Variants in ZNF536 observed in about 807,000 individuals in gnomAD.
The protein encoded by ZNF536 is zinc finger protein 536.
Under a neutral mutation model 84.5 loss-of-function variants are expected in ZNF536, and 13 were observed. That is an observed-to-expected ratio of 0.15 (90% CI 0.10 to 0.24). The LOEUF (loss-of-function observed/expected upper bound fraction) is 0.24. Among genes scored for constraint, ZNF536 ranks in the 10% least tolerant of loss-of-function variants. The probability of loss-of-function intolerance (pLI) is 1.00; values close to 1 mark genes in which losing one functional copy is unlikely to be tolerated. For synonymous variants in ZNF536, 811 were observed against 742.5 expected (o/e 1.09, Z -1.50); for missense variants, 1,536 against 1,747.5 (o/e 0.88, Z 2.16).
At chr19:30,372,620 C>T (rs897358326) in intron 1 of ZNF536, 64 bp downstream of exon 1, 13 of 151,998 alleles carry the variant, frequency 8.6e-5, no homozygotes, top group Admixed American at 7.2e-4. Context: ...GTGCAGTCTC[C>T]CCAGCATAGA....
chr19:30,473,967 G>C (rs1454999296), intron 2 of ZNF536, among the ~76,000 whole-genome samples: 1 of 152,218 alleles, frequency 6.6e-6, no homozygotes, highest in Non-Finnish European at 1.5e-5. Flanking sequence ...GAAAACACTA[G>C]TTTCTAGTTT....
Position 30,350,464 on chromosome 19 carries a change from A to C in ZNF536, c.-119-1904A>C, listed in dbSNP as rs887899094. Among the ~76,000 whole-genome samples the C allele has an allele frequency of 2.6e-5, 4 of 152,228 alleles. No homozygotes were observed. The East Asian group carries it at 7.7e-4, about 29-fold the overall frequency. Reference sequence around the variant, plus strand: ...GCATAATGCAGAATTTCTACCTTACATGTTAATTAATGTGTGCAATCAATT... The same window carrying C: ...GCATAATGCAGAATTTCTACCTTACCTGTTAATTAATGTGTGCAATCAATT... On this transcript the variant is annotated intron_variant, in intron 2 of 5. Coordinates refer to the ZNF536 transcript ENST00000585628.
chr19:30,549,767 G>A (rs542771820), intron 4 of ZNF536, among the ~76,000 whole-genome samples: 1 of 152,310 alleles, frequency 6.6e-6, no homozygotes, highest in South Asian at 2.1e-4. Flanking sequence ...ATGGAAAAGG[G>A]GGTGGTCGCT....
intron 2 of ZNF536, among the ~76,000 whole-genome samples, chr19:30,452,038 G>C (rs1420452788): frequency 6.6e-6 from 1 of 152,244 alleles, no homozygotes; most frequent in African/African-American, 2.4e-5. Flanking sequence ...CACCTTGGGT[G>C]TGTTGGGGTG....
In ZNF536 at chr19:30,357,690, C is replaced by T. The variant is rs1390933850; in HGVS notation, c.-3+5206C>T. On this transcript the variant is annotated intron_variant, in intron 3 of 5. Coordinates refer to the ZNF536 transcript ENST00000585628. Reference sequence around the variant, plus strand: ...ATCCTGCTCTTGAAGCAGCAGGGCCCGGTAGCTCCTCAGGCCCTGGCATGA... The same window carrying T: ...ATCCTGCTCTTGAAGCAGCAGGGCCTGGTAGCTCCTCAGGCCCTGGCATGA... Among the ~76,000 whole-genome samples, 6 of 151,976 alleles carry T rather than the reference C, an allele frequency of 3.9e-5. No homozygotes were observed. The East Asian group carries it at 5.8e-4, about 15-fold the overall frequency.
At chr19:30,326,656 G>C (rs2047034690) in intron 2 of ZNF536, among the ~76,000 whole-genome samples, 1 of 151,972 alleles carries the variant, frequency 6.6e-6, no homozygotes, top group Admixed American at 6.6e-5. Flanking sequence ...CAGTGTGTGA[G>C]ACGGCTTTCG....
intron 2 of ZNF536, among the ~76,000 whole-genome samples, chr19:30,502,364 T>C (rs1241680858): frequency 6.6e-6 from 1 of 152,074 alleles, no homozygotes; most frequent in Non-Finnish European, 1.5e-5. Context: ...TTTAGCTAGC[T>C]AGCACCAGGG....
intron 1 of ZNF536, among the ~76,000 whole-genome samples, chr19:30,679,609 G>A (rs2050888371): frequency 6.6e-6 from 1 of 152,170 alleles, no homozygotes; most frequent in African/African-American, 2.4e-5. Flanking sequence ...CCTTGGTGTG[G>A]GGCAGCAGGG....
chr19:30,606,927 G>T (rs929072145), intron 1 of ZNF536, among the ~76,000 whole-genome samples: 1 of 152,084 alleles, frequency 6.6e-6, no homozygotes, highest in African/African-American at 2.4e-5. Context: ...ATTGGTGGAG[G>T]CCCCAGCAGG....
chr19:30,423,834 G>A (rs1395822283), intron 1 of ZNF536, among the ~76,000 whole-genome samples: 13 of 150,932 alleles, frequency 8.6e-5, no homozygotes, highest in East Asian at 3.9e-4. Context: ...TGCGAAGGAC[G>A]TCAGGGAGGT....
chr19:30,553,485 G>A (rs1296496790), intron 4 of ZNF536, among the ~76,000 whole-genome samples: 4 of 152,246 alleles, frequency 2.6e-5, no homozygotes, highest in Admixed American at 2.0e-4. Flanking sequence ...GAGTTGTTGT[G>A]TGCCAGGTCT....
At chr19:30,524,113 C>T (rs1226439679) in intron 2 of ZNF536, among the ~76,000 whole-genome samples, 2 of 152,188 alleles carry the variant, frequency 1.3e-5, no homozygotes, top group African/African-American at 4.8e-5. Flanking sequence ...CGAATGCCTC[C>T]ATGCCGCCCT....
chr19:30,235,981 G>T (rs995739843), intron 1 of ZNF536, among the ~76,000 whole-genome samples: 2 of 152,258 alleles, frequency 1.3e-5, no homozygotes, highest in Non-Finnish European at 2.9e-5. Flanking sequence ...GGATTCCACA[G>T]CATCAGAGAA....
chr19:30,604,151 A>C (rs183633244), intron 1 of ZNF536, among the ~76,000 whole-genome samples: 55 of 152,354 alleles, frequency 3.6e-4, no homozygotes, highest in African/African-American at 1.2e-3. Flanking sequence ...TGTGGTATGC[A>C]ATAGTAGAAG....
intron 1 of ZNF536, among the ~76,000 whole-genome samples, chr19:30,605,838 C>T (rs2146976276): frequency 6.6e-6 from 1 of 152,286 alleles, no homozygotes; most frequent in East Asian, 1.9e-4. Context: ...ACTTCCATCA[C>T]ACAGATTCCC....
At chr19:30,559,891 G>T (rs114894259), downstream of ZNF536, among the ~76,000 whole-genome samples, 129 of 152,264 alleles carry the variant, frequency 8.5e-4, no homozygotes, top group African/African-American at 2.8e-3. Flanking sequence ...AAAGCAGGGG[G>T]TATTTCCTGA....
chr19:30,389,648 C>A (rs561970501), intron 1 of ZNF536, among the ~76,000 whole-genome samples: 12 of 152,270 alleles, frequency 7.9e-5, no homozygotes, highest in African/African-American at 2.2e-4. Flanking sequence ...AAGACCAGAA[C>A]CCTTGAAGGT....
intron 1 of ZNF536, among the ~76,000 whole-genome samples, chr19:30,231,439 A>G (rs1284584435): frequency 6.6e-6 from 1 of 152,092 alleles, no homozygotes; most frequent in African/African-American, 2.4e-5. Flanking sequence ...CTTCCTCTGA[A>G]CTCACACCTG....
At chr19:30,517,482 C>T (rs937661800) in intron 2 of ZNF536, among the ~76,000 whole-genome samples, 3 of 152,026 alleles carry the variant, frequency 2.0e-5, no homozygotes, top group Non-Finnish European at 4.4e-5. Flanking sequence ...CTCTTTGGGC[C>T]CATGGGCTCA....
Sources: gnomAD v4.1 joint callset for allele counts (sites outside exome capture counted in the v4.1 genomes callset) on GRCh38, gnomAD v4.1.1 for gene constraint, MANE v1.5 for transcripts, NCBI Gene and HGNC (gene_info 2026-07-23, HGNC 2026-07-21) for gene names.